COL25A1: variants seen among roughly 807,000 people sequenced by gnomAD.
The protein encoded by COL25A1 is collagen alpha-1(XXV) chain.
COL25A1 carries 103 observed loss-of-function variants against 128.4 expected under a neutral mutation model. That is an observed-to-expected ratio of 0.80 (90% CI 0.68 to 0.94). COL25A1 has a LOEUF of 0.94. Ranked by LOEUF, COL25A1 falls within the 40% of genes least tolerant of loss-of-function variation. The pLI is 0.00. For synonymous variants in COL25A1, 279 were observed against 277.2 expected (o/e 1.01, Z -0.06); for missense variants, 745 against 840.0 (o/e 0.89, Z 1.40).
chr4:108,956,998 T>A (rs187537247), intron 8 of COL25A1, among the ~76,000 whole-genome samples: 48 of 152,138 alleles, frequency 3.2e-4, no homozygotes, highest in East Asian at 1.7e-3. Flanking sequence ...GTAAAAAAAA[T>A]TTTAGAATTT....
At chr4:109,238,795 G>A (rs1779636679) in intron 3 of COL25A1, among the ~76,000 whole-genome samples, 1 of 152,020 alleles carries the variant, frequency 6.6e-6, no homozygotes, top group Non-Finnish European at 1.5e-5. Context: ...CCAGATTCCA[G>A]AGGGTCTGCC....
chr4:109,134,408 C>G (rs1769510848), intron 3 of COL25A1, among the ~76,000 whole-genome samples: 1 of 152,098 alleles, frequency 6.6e-6, no homozygotes, highest in Non-Finnish European at 1.5e-5. Context: ...TTACACAATG[C>G]TTAGGACAGC....
intron 35 of COL25A1, chr4:108,819,890 CT>C: frequency 8.1e-7 from 1 of 1,228,056 alleles, no homozygotes; most frequent in Non-Finnish European, 1.0e-6. Context: ...CTTTCTTTCC[CT>C]TTTCCCCCTG....
intron 3 of COL25A1, among the ~76,000 whole-genome samples, chr4:109,182,097 C>A (rs1264758406): frequency 1.3e-5 from 2 of 152,054 alleles, no homozygotes; most frequent in African/African-American, 4.8e-5. Context: ...TCCAGTTATC[C>A]ATTGACAGAC....
At chr4:109,041,553 T>C (rs1300055774) in intron 5 of COL25A1, among the ~76,000 whole-genome samples, 1 of 152,086 alleles carries the variant, frequency 6.6e-6, no homozygotes, top group Non-Finnish European at 1.5e-5. Flanking sequence ...TTATTTCCAG[T>C]AGGACAGTGG....
chr4:108,971,308 G>A (rs1171379331), intron 8 of COL25A1, among the ~76,000 whole-genome samples: 1 of 152,164 alleles, frequency 6.6e-6, no homozygotes, highest in African/African-American at 2.4e-5. Context: ...ACTATTCTAT[G>A]TGAAGGGGTA....
intron 3 of COL25A1, among the ~76,000 whole-genome samples, chr4:109,246,071 A>G (rs1231647965): frequency 6.6e-6 from 1 of 151,956 alleles, no homozygotes; most frequent in Non-Finnish European, 1.5e-5. Flanking sequence ...AAATGAAAAC[A>G]TTAACAGCAA....
In COL25A1 at chr4:109,273,745, T is replaced by A. The variant is rs564844004; in HGVS notation, c.367+26838A>T. ...CCTTATAATTAGAAAAATAAGACAC[T>A]AACACCTCCACCTTGGGCAAAGAGC... On this transcript the variant is annotated intron_variant, in intron 3 of 37. Transcript: ENST00000399132. Among the ~76,000 whole-genome samples, 20 of 152,246 alleles carry A rather than the reference T, an allele frequency of 1.3e-4. No individual in the cohort carries two copies. The Middle Eastern group carries it at 0.021, about 156-fold the overall frequency.
At position 109,031,223 on chromosome 4, in the gene COL25A1, C is replaced by T. The variant is rs185791530; in HGVS notation, c.420+16945G>A. ...ACCTCCCGGGTCCACGCCATTCTCT[C>T]GCCTCAGCCTTGTGAGTAGCTGGGA... is the stretch of plus-strand genomic sequence containing the variant. On this transcript the variant is annotated intron_variant, in intron 5 of 37. Coordinates refer to ENST00000399132, the MANE Select transcript of COL25A1 (RefSeq NM_198721.4). Among the ~76,000 whole-genome samples, 20 of 152,298 alleles carry T rather than the reference C, an allele frequency of 1.3e-4. No homozygotes were observed. In the East Asian group the frequency reaches 3.9e-3, roughly 29 times the overall value.
chr4:109,280,073 T>C (rs1255243032), intron 3 of COL25A1, among the ~76,000 whole-genome samples: 1 of 152,232 alleles, frequency 6.6e-6, no homozygotes, highest in African/African-American at 2.4e-5. Context: ...TGGACTGGTC[T>C]ATCTGGGTCT....
At chr4:108,894,466 G>A (rs542473048) in intron 16 of COL25A1, among the ~76,000 whole-genome samples, 4 of 152,064 alleles carry the variant, frequency 2.6e-5, no homozygotes, top group Non-Finnish European at 4.4e-5. Context: ...AGACCCAGGA[G>A]CTAAAAATGG....
intron 6 of COL25A1, among the ~76,000 whole-genome samples, chr4:108,990,534 C>T (rs1377428011): frequency 6.6e-6 from 1 of 151,782 alleles, no homozygotes; most frequent in African/African-American, 2.4e-5. Context: ...TATTTCTTAA[C>T]TTTAATATTG....
intron 18 of COL25A1, among the ~76,000 whole-genome samples, chr4:108,884,838 C>T (rs780356831): frequency 6.6e-6 from 1 of 152,184 alleles, no homozygotes; most frequent in Non-Finnish European, 1.5e-5. Flanking sequence ...GCTAATGGTA[C>T]TATGCAGCTG....
intron 3 of COL25A1, among the ~76,000 whole-genome samples, chr4:109,196,338 T>C (rs142409759): frequency 6.1e-4 from 93 of 152,306 alleles, no homozygotes; most frequent in African/African-American, 2.2e-3. Context: ...TTCCACATAG[T>C]TTATAGTGTA....
intron 3 of COL25A1, among the ~76,000 whole-genome samples, chr4:109,295,758 C>T (rs1724913679): frequency 6.6e-6 from 1 of 152,080 alleles, no homozygotes; most frequent in South Asian, 2.1e-4. Flanking sequence ...ACATAGGCAA[C>T]GAGGTCAGTC....
intron 31 of COL25A1, among the ~76,000 whole-genome samples, chr4:108,836,789 T>C (rs188980978): frequency 2.3e-4 from 35 of 152,234 alleles, no homozygotes; most frequent in African/African-American, 7.9e-4. Flanking sequence ...TGATTAAACC[T>C]ATATTCTAGG....
At chr4:108,826,382 A>G (rs1320556492) in intron 33 of COL25A1, among the ~76,000 whole-genome samples, 7 of 152,178 alleles carry the variant, frequency 4.6e-5, no homozygotes. Flanking sequence ...TACTAAAAAT[A>G]CAAAAATTAG....
intron 3 of COL25A1, among the ~76,000 whole-genome samples, chr4:109,298,390 C>A (rs892289613): frequency 1.5e-4 from 23 of 152,142 alleles, no homozygotes; most frequent in Admixed American, 1.4e-3. Context: ...CAGTCCTTGG[C>A]TCTGTGACTA....
intron 2 of COL25A1, 77 bp from the exon 3 acceptor site, chr4:109,300,729 C>T (rs897518696): frequency 1.7e-5 from 16 of 969,162 alleles, no homozygotes; most frequent in African/African-American, 3.2e-5. Flanking sequence ...TCTGGCCATA[C>T]GCCTGATTTA....
Sources: allele counts gnomAD v4.1 joint callset (sites outside exome capture counted in the v4.1 genomes callset), GRCh38; gene constraint gnomAD v4.1.1; transcripts MANE v1.5; gene names NCBI Gene and HGNC (gene_info 2026-07-23, HGNC 2026-07-21).